RPS6KA6: variants seen among roughly 807,000 people sequenced by gnomAD.
RPS6KA6 encodes ribosomal protein S6 kinase alpha-6.
Under a neutral mutation model 65.4 loss-of-function variants are expected in RPS6KA6, and 27 were observed. The observed-to-expected ratio is 0.41, with a 90% CI of 0.30 to 0.57. The LOEUF (loss-of-function observed/expected upper bound fraction) is 0.57. RPS6KA6 is among the 20% of genes least tolerant of loss of function. The probability of loss-of-function intolerance (pLI) is 0.24; values close to 1 mark genes in which losing one functional copy is unlikely to be tolerated. For synonymous variants in RPS6KA6, 190 were observed against 184.2 expected, an observed-to-expected ratio of 1.03 and a Z score of -0.26; for missense variants, 486 against 555.6, an observed-to-expected ratio of 0.87 and a Z score of 1.26.
intron 20 of RPS6KA6, among the ~76,000 whole-genome samples, chrX:84,083,862 T>C (rs1347965342): frequency 8.9e-6 from 1 of 112,330 alleles, no homozygotes; most frequent in Non-Finnish European, 1.9e-5. Context: ...TTCCTATTTA[T>C]GCACAGCCTT....
intron 1 of RPS6KA6, among the ~76,000 whole-genome samples, chrX:84,184,829 CAAAAAAAA>C: frequency 5.0e-5 from 1 of 20,056 alleles, no homozygotes; most frequent in Non-Finnish European, 8.3e-5. Context: ...GACCCTGACT[CAAAAAAAA>C]AAAAAAAAAA....
At chrX:84,154,658 T>C (rs949186966) in intron 3 of RPS6KA6, among the ~76,000 whole-genome samples, 1 of 109,448 alleles carries the variant, frequency 9.1e-6, no homozygotes, top group Admixed American at 9.9e-5. Flanking sequence ...ACCAACTTCA[T>C]CACCACCACC....
At chrX:84,165,291 G>A (rs1209664717) in intron 1 of RPS6KA6, among the ~76,000 whole-genome samples, 1 of 109,860 alleles carries the variant, frequency 9.1e-6, no homozygotes, top group African/African-American at 3.3e-5. Context: ...AAATTAAAAA[G>A]TAAATTAGAG....
At chrX:84,118,098 T>TA (rs2147468381) in intron 9 of RPS6KA6, among the ~76,000 whole-genome samples, 1 of 112,204 alleles carries the variant, frequency 8.9e-6, no homozygotes, top group African/African-American at 3.2e-5. Context: ...AGACTACCTC[T>TA]AAAAATCATT....
chrX:84,142,766 A>T (rs1432347038), intron 6 of RPS6KA6, among the ~76,000 whole-genome samples: 1 of 111,684 alleles, frequency 9.0e-6, no homozygotes, highest in Non-Finnish European at 1.9e-5. Flanking sequence ...CAAATTCCTT[A>T]AAAGACACAA....
chrX:84,101,929 G>T, intron 18 of RPS6KA6, 108 bp downstream of exon 18: 1 of 630,539 alleles, frequency 1.6e-6, no homozygotes. Flanking sequence ...AAACTGAAAA[G>T]GGCAAGGTAA....
intron 1 of RPS6KA6, among the ~76,000 whole-genome samples, chrX:84,171,229 A>C (rs2035678188): frequency 9.0e-6 from 1 of 111,655 alleles, no homozygotes; most frequent in African/African-American, 3.3e-5. Context: ...TGTTGATTAC[A>C]GCTTGGTAGG....
rs767123153 is a variant in RPS6KA6 at position 84,079,112 on chromosome X, C to A, written c.1972-14001G>T. The stretch of plus-strand genomic sequence containing the variant: ...ATTTCTGCATTTCCAACTGAGGTAC[C>A]CGTAGTTGATCTCATTGGGACTGGT... On this transcript the variant is annotated intron_variant, in intron 20 of 21. Coordinates refer to ENST00000262752, the MANE Select transcript of RPS6KA6 (RefSeq NM_014496.5). 4.5e-5 allele frequency among the ~76,000 whole-genome samples: 5 copies of A among 111,122 alleles called. No individual in the cohort carries two copies. In the East Asian group the frequency reaches 1.4e-3, roughly 32 times the overall value.
In RPS6KA6 at chrX:84,105,866, T is replaced by C. The variant is rs756682210; in HGVS notation, c.1376A>G (p.Lys459Arg). ...CTCTTCTGAAGGGTCTCGCTTACTT[T>C]TGTCAATGATCTAAGAAATACGAAA... ...NMEFAVKIID[K>R]SKRDPSEEIE... Residue 459 changes from lysine to arginine, a missense_variant, in exon 16 of 22, where the codon AAA becomes AGA. Coordinates refer to ENST00000262752, the MANE Select transcript of RPS6KA6 (RefSeq NM_014496.5). The C allele has an allele frequency of 8.8e-6, 10 of 1,130,449 alleles. No homozygotes were observed. The highest frequency in any genetic ancestry group is 1.2e-5 in the Non-Finnish European group (10 of 830,122). 93.2% of individuals were successfully genotyped at this position (1,130,449 alleles called of 1,213,427 possible). A position where few individuals can be genotyped will look rare whatever the true frequency, so the allele number is the denominator to read the frequency against.
At chrX:84,168,705 T>G (rs941975045) in intron 1 of RPS6KA6, among the ~76,000 whole-genome samples, 1 of 112,288 alleles carries the variant, frequency 8.9e-6, no homozygotes, top group South Asian at 3.7e-4. Context: ...TGCTTTCCTC[T>G]GTTACCTTAG....
chrX:84,151,246 TAG>T (rs1211338980), intron 3 of RPS6KA6, among the ~76,000 whole-genome samples: 1 of 99,159 alleles, frequency 1.0e-5, no homozygotes, highest in African/African-American at 3.6e-5. Context: ...AGGATATATA[TAG>T]ATATATATAT....
intron 6 of RPS6KA6, 63 bp from the exon 7 acceptor site, chrX:84,135,273 CTTCT>C: frequency 2.6e-6 from 2 of 770,162 alleles, no homozygotes; most frequent in Non-Finnish European, 3.8e-6. Context: ...TTTAAAAATA[CTTCT>C]TTCAAAATGA....
chrX:84,150,850 T>TATATATAGAGAGG (rs1376163167), intron 3 of RPS6KA6, among the ~76,000 whole-genome samples: 158 of 96,052 alleles, frequency 1.6e-3, no homozygotes, highest in Middle Eastern at 6.3e-3. Context: ...ATATAGGATA[T>TATATATAGAGAGG]ATATATATAG....
intron 3 of RPS6KA6, among the ~76,000 whole-genome samples, chrX:84,151,080 GGATA>G (rs2035307201): frequency 2.1e-5 from 2 of 94,609 alleles, no homozygotes; most frequent in East Asian, 3.2e-4. Flanking sequence ...GATATATAGA[GGATA>G]GATATATAGA....
intron 1 of RPS6KA6, among the ~76,000 whole-genome samples, chrX:84,170,597 T>C (rs1011588666): frequency 9.1e-6 from 1 of 110,421 alleles, no homozygotes; most frequent in African/African-American, 3.3e-5. Flanking sequence ...GCCACTGCAT[T>C]CCAGCCTGGG....
chrX:84,135,816 T>C (rs745329602), intron 6 of RPS6KA6, among the ~76,000 whole-genome samples: 2 of 111,327 alleles, frequency 1.8e-5, no homozygotes, highest in Admixed American at 9.6e-5. Context: ...CTGTTAGTAA[T>C]GTATACGAGT....
chrX:84,096,680 T>G (rs1221026549), intron 19 of RPS6KA6, among the ~76,000 whole-genome samples: 1 of 111,779 alleles, frequency 8.9e-6, no homozygotes, highest in Admixed American at 9.6e-5. Context: ...AAAATGTTAA[T>G]TTCATATATT....
At chrX:84,136,522 T>C (rs2034994493) in intron 6 of RPS6KA6, among the ~76,000 whole-genome samples, 1 of 111,865 alleles carries the variant, frequency 8.9e-6, no homozygotes, top group Non-Finnish European at 1.9e-5. Flanking sequence ...TCACTTTCAC[T>C]TGACTTTTTA....
intron 1 of RPS6KA6, among the ~76,000 whole-genome samples, chrX:84,172,623 CA>C (rs1164974020): frequency 9.0e-6 from 1 of 110,864 alleles, no homozygotes; most frequent in Non-Finnish European, 1.9e-5. Context: ...GGTATAGAAC[CA>C]AAAAAATCGA....
Sources: gnomAD v4.1 joint callset for allele counts (sites outside exome capture counted in the v4.1 genomes callset) on GRCh38, gnomAD v4.1.1 for gene constraint, MANE v1.5 for transcripts, NCBI Gene and HGNC (gene_info 2026-07-23, HGNC 2026-07-21) for gene names.